Variants in SPIDR observed in about 807,000 individuals in gnomAD.
SPIDR encodes DNA repair-scaffolding protein.
Under a neutral mutation model 104.6 loss-of-function variants are expected in SPIDR, and 93 were observed. The observed-to-expected ratio is 0.89, with a 90% CI of 0.75 to 1.06. SPIDR has a LOEUF of 1.06. SPIDR is among the 50% of genes least tolerant of loss of function. The probability of loss-of-function intolerance (pLI) is 0.00; values close to 1 mark genes in which losing one functional copy is unlikely to be tolerated. For missense variants in SPIDR, 1,154 were observed against 1,111.2 expected, an observed-to-expected ratio of 1.04 and a Z score of -0.55; for synonymous variants, 431 against 416.9, an observed-to-expected ratio of 1.03 and a Z score of -0.41.
intron 8 of SPIDR, among the ~76,000 whole-genome samples, chr8:47,570,325 G>A (rs1156360142): frequency 6.6e-6 from 1 of 152,154 alleles, no homozygotes; most frequent in Non-Finnish European, 1.5e-5. Flanking sequence ...AAGAATAATG[G>A]TCTTCCACAG....
chr8:47,703,455 C>T (rs1483080863), intron 14 of SPIDR, among the ~76,000 whole-genome samples: 3 of 152,206 alleles, frequency 2.0e-5, no homozygotes, highest in Non-Finnish European at 4.4e-5. Context: ...AGTGGGCAGA[C>T]TGTTTCTGTA....
Position 47,489,212 on chromosome 8 carries a change from A to G in SPIDR, c.1097+48670A>G, listed in dbSNP as rs1260537848. Reference sequence around the variant, plus strand: ...AAGCATTCTTATACACCAATAACAGACAAACAGAGAGCCAAATCATGAGTG... The same window carrying G: ...AAGCATTCTTATACACCAATAACAGGCAAACAGAGAGCCAAATCATGAGTG... On this transcript the variant is annotated intron_variant, in intron 8 of 19. Coordinates refer to ENST00000297423, the MANE Select transcript of SPIDR (RefSeq NM_001080394.4). Among the ~76,000 whole-genome samples, 7 of 152,324 alleles carry G rather than the reference A, an allele frequency of 4.6e-5. No individual in the cohort carries two copies. The South Asian group carries it at 1.2e-3, about 27-fold the overall frequency.
intron 5 of SPIDR, among the ~76,000 whole-genome samples, chr8:47,321,358 A>G (rs995880484): frequency 6.6e-6 from 1 of 152,164 alleles, no homozygotes; most frequent in Non-Finnish European, 1.5e-5. Flanking sequence ...CTTCAAAGAG[A>G]ATAAAACACC....
chr8:47,707,666 CTT>C lies in SPIDR; in HGVS notation c.1978-4994_1978-4993del, dbSNP rs572012494. Among the ~76,000 whole-genome samples the C allele has an allele frequency of 9.1e-3, 1,388 of 152,330 alleles. 10 individuals carry two copies. The highest frequency in any genetic ancestry group is 0.015 in the Non-Finnish European group (1,004 of 68,026). On this transcript the variant is annotated intron_variant, in intron 14 of 19. Transcript: ENST00000297423. Reference sequence around the variant, plus strand: ...GTCAAGTCTAAGAGAAGTCAAGTCTCTTTGCCTAGTCATAGGTCCCAAAGTTA... The same window carrying C: ...GTCAAGTCTAAGAGAAGTCAAGTCTCTGCCTAGTCATAGGTCCCAAAGTTA...
intron 10 of SPIDR, among the ~76,000 whole-genome samples, chr8:47,622,756 G>T (rs1295642413): frequency 1.3e-5 from 2 of 152,172 alleles, no homozygotes; most frequent in Non-Finnish European, 2.9e-5. Context: ...ATGAAAAAAT[G>T]TCAGGTCAAC....
At chr8:47,383,119 C>T (rs2059512735) in intron 5 of SPIDR, among the ~76,000 whole-genome samples, 1 of 152,330 alleles carries the variant, frequency 6.6e-6, no homozygotes, top group Non-Finnish European at 1.5e-5. Flanking sequence ...ACCACAGGGG[C>T]ATCTCACTGG....
At chr8:47,375,238 T>TC (rs2058515516) in intron 5 of SPIDR, among the ~76,000 whole-genome samples, 1 of 118,850 alleles carries the variant, frequency 8.4e-6, no homozygotes, top group Non-Finnish European at 1.8e-5. Context: ...ATAGGCTTTT[T>TC]TTTTTTTTTT....
intron 10 of SPIDR, among the ~76,000 whole-genome samples, chr8:47,612,312 A>T (rs1245111722): frequency 6.6e-6 from 1 of 152,200 alleles, no homozygotes; most frequent in Non-Finnish European, 1.5e-5. Context: ...GAGAAGCTGA[A>T]CATCTCTGAG....
In SPIDR at chr8:47,587,374, C is replaced by T. The variant is rs770681707; in HGVS notation, c.1098-8437C>T. On this transcript the variant is annotated intron_variant, in intron 8 of 19. Transcript: ENST00000297423. ...GGGGCCTATTTCTGGGAGGCAGAGA[C>T]GAGAAGATTACTTGAGGTCAGGACT... 7.2e-5 allele frequency among the ~76,000 whole-genome samples: 11 copies of T among 151,818 alleles called. No individual in the cohort carries two copies. In the South Asian group the frequency reaches 8.3e-4, roughly 11 times the overall value.
At chr8:47,313,981 A>G (rs1409108468) in intron 5 of SPIDR, among the ~76,000 whole-genome samples, 9 of 152,262 alleles carry the variant, frequency 5.9e-5, no homozygotes, top group Admixed American at 5.2e-4. Context: ...GCTGAAACTC[A>G]GAACTTCAGG....
intron 10 of SPIDR, among the ~76,000 whole-genome samples, chr8:47,612,361 G>A (rs28366397): frequency 0.028 from 4,220 of 152,252 alleles, 207 homozygotes; most frequent in African/African-American, 0.095. Context: ...GTGGGAAACT[G>A]CAGTGACAGC....
At chr8:47,309,225 AT>A (rs1554583409) in intron 5 of SPIDR, among the ~76,000 whole-genome samples, 1 of 152,184 alleles carries the variant, frequency 6.6e-6, no homozygotes, top group East Asian at 1.9e-4. Context: ...TTTTTGTATG[AT>A]TATATTTTAA....
At chr8:47,592,679 C>T in intron 8 of SPIDR, 3 of 729,432 alleles carry the variant, frequency 4.1e-6, no homozygotes, top group South Asian at 1.9e-5. Flanking sequence ...AGTAGAAGTC[C>T]TCCCTCCCTA....
At chr8:47,446,581 C>G (rs28812531) in intron 8 of SPIDR, among the ~76,000 whole-genome samples, 4,173 of 149,372 alleles carry the variant, frequency 0.028, 206 homozygotes, top group African/African-American at 0.095. Flanking sequence ...GATAATGATT[C>G]CTTTTTTTTT....
chr8:47,377,269 A>G (rs2058765959), intron 5 of SPIDR, among the ~76,000 whole-genome samples: 1 of 152,194 alleles, frequency 6.6e-6, no homozygotes. Flanking sequence ...AATGATAGGA[A>G]ATGTGATAAA....
rs141685704 is a variant in SPIDR, at chr8:47,702,024, C to CTCTCTCAA, written c.1977+25_1977+32dup. ...TTTACCAAAAACCACAGGTAATAAT[C>CTCTCTCAA]TCTCTCAATCTCTCAATCTCTCAGC... On this transcript the variant is annotated intron_variant, in intron 14 of 19. Coordinates refer to ENST00000297423, the MANE Select transcript of SPIDR (RefSeq NM_001080394.4). The CTCTCTCAA allele has an allele frequency of 6.3e-7, 1 of 1,599,648 alleles. No homozygotes were observed.
chr8:47,283,637 A>G (rs2038249584), intron 2 of SPIDR, among the ~76,000 whole-genome samples: 4 of 152,192 alleles, frequency 2.6e-5, no homozygotes, highest in Non-Finnish European at 5.9e-5. Context: ...ATGCCTTTAT[A>G]TTCAGAATCT....
At chr8:47,398,010 T>C (rs1430684378) in intron 6 of SPIDR, among the ~76,000 whole-genome samples, 1 of 152,092 alleles carries the variant, frequency 6.6e-6, no homozygotes, top group African/African-American at 2.4e-5. Flanking sequence ...TGGCCGAGTT[T>C]AGTGGGATGG....
intron 3 of SPIDR, among the ~76,000 whole-genome samples, chr8:47,288,679 G>A (rs1347576288): frequency 3.9e-5 from 6 of 152,222 alleles, no homozygotes; most frequent in African/African-American, 1.4e-4. Flanking sequence ...TAGCTATTTA[G>A]ATAGATATAG....
Sources: allele counts gnomAD v4.1 joint callset (sites outside exome capture counted in the v4.1 genomes callset), GRCh38; gene constraint gnomAD v4.1.1; transcripts MANE v1.5; gene names NCBI Gene and HGNC (gene_info 2026-07-23, HGNC 2026-07-21).